Variants in KIAA1958 observed in about 807,000 individuals in gnomAD.
KIAA1958 encodes the protein KIAA1958.
Under a neutral mutation model 47.2 loss-of-function variants are expected in KIAA1958, and 14 were observed. The ratio of observed to expected loss-of-function variants is 0.30; its 90% confidence interval spans 0.20 to 0.46. The LOEUF is 0.46. KIAA1958 is among the 20% of genes least tolerant of loss of function. KIAA1958 has a pLI of 1.00. For synonymous variants in KIAA1958, 354 were observed against 353.3 expected, an observed-to-expected ratio of 1.00 and a Z score of -0.02; for missense variants, 803 against 909.2, an observed-to-expected ratio of 0.88 and a Z score of 1.50.
Position 112,549,021 on chromosome 9 carries a change from C to A in KIAA1958, c.-24-25036C>A, listed in dbSNP as rs188726208. ...AGCTTGGTCTCGGACCTTTAGCATT[C>A]AGAACTGTGAAAAAATAACTTCCTG... On this transcript the variant is annotated intron_variant, in intron 1 of 3. Coordinates refer to ENST00000337530, the MANE Select transcript of KIAA1958 (RefSeq NM_133465.4). Among the ~76,000 whole-genome samples, 7 of 152,286 alleles carry A rather than the reference C, an allele frequency of 4.6e-5. No homozygotes were observed. In the East Asian group the frequency reaches 1.3e-3, roughly 29 times the overall value.
chr9:112,666,375 A>C lies in KIAA1958; in HGVS notation c.*6306A>C, dbSNP rs2131260553. The C allele has an allele frequency of 1.3e-5, 2 of 152,324 alleles. No individual in the cohort carries two copies. The highest frequency in any genetic ancestry group is 3.4e-3 in the Middle Eastern group (1 of 294). The allele number at this position is 152,324 out of a possible 1,614,324, so 9.4% of individuals were successfully genotyped here. ...GTCAAATTCCCCCATTTTATCAATA[A>C]GGAAATTTAAGGCCAGAGATATTAA... On this transcript the variant is annotated 3_prime_UTR_variant, in exon 4 of 4. Coordinates refer to ENST00000337530, the MANE Select transcript of KIAA1958 (RefSeq NM_133465.4).
chr9:112,555,158 C>G (rs1835219433), intron 1 of KIAA1958, among the ~76,000 whole-genome samples: 1 of 152,152 alleles, frequency 6.6e-6, no homozygotes, highest in African/African-American at 2.4e-5. Context: ...TAGACTGTCC[C>G]CAAACTGGAG....
chr9:112,561,729 C>G (rs974702336), intron 1 of KIAA1958, among the ~76,000 whole-genome samples: 1 of 152,112 alleles, frequency 6.6e-6, no homozygotes, highest in Admixed American at 6.5e-5. Context: ...GTGGTGGGCA[C>G]CTGTAACCCC....
In KIAA1958 at chr9:112,660,021, G is replaced by A. The variant is rs552377099; in HGVS notation, c.2103G>A (p.Ser701=). 23 of 1,614,046 alleles carry A rather than the reference G, an allele frequency of 1.4e-5. No individual in the cohort carries two copies. The highest frequency in any genetic ancestry group is 1.1e-4 in the South Asian group (10 of 91,078). ...ACTGTGAGAACTTCACCTTTGTCTC[G>A]TTCACTCAGGTCTCCCGGAGGCTTG... The part of the protein sequence containing the change: ...LENCENFTFV[S]FTQVSRRLGS... The change falls in exon 4 of 4, where the codon TCG becomes TCA. Residue 701 remains serine (S), a synonymous_variant. Coordinates refer to ENST00000337530, the MANE Select transcript of KIAA1958 (RefSeq NM_133465.4).
intron 1 of KIAA1958, among the ~76,000 whole-genome samples, chr9:112,529,766 C>G (rs1834720975): frequency 6.6e-6 from 1 of 152,156 alleles, no homozygotes; most frequent in Non-Finnish European, 1.5e-5. Flanking sequence ...ACTCTTTTCC[C>G]TACCTAATTT....
chr9:112,619,116 C>A, intron 2 of KIAA1958: 1 of 384,542 alleles, frequency 2.6e-6, no homozygotes, highest in Non-Finnish European at 3.7e-6. Flanking sequence ...AGGCTTAAGA[C>A]AAATGTACTT....
chr9:112,505,611 ATAACT>A (rs1357715770), intron 1 of KIAA1958, among the ~76,000 whole-genome samples: 2 of 152,262 alleles, frequency 1.3e-5, no homozygotes, highest in African/African-American at 4.8e-5. Context: ...TTTAAAACTA[ATAACT>A]TTAATTAGCA....
chr9:112,546,355 C>G (rs1035776951), intron 1 of KIAA1958, among the ~76,000 whole-genome samples: 1 of 152,200 alleles, frequency 6.6e-6, no homozygotes, highest in Non-Finnish European at 1.5e-5. Context: ...TTCCCTGCCC[C>G]TTTCCTAGAA....
intron 1 of KIAA1958, among the ~76,000 whole-genome samples, chr9:112,568,792 G>T (rs1835474619): frequency 6.6e-6 from 1 of 151,296 alleles, no homozygotes; most frequent in Non-Finnish European, 1.5e-5. Context: ...GGAGGCTGAG[G>T]TGGGAGGGTT....
At chr9:112,554,372 C>T (rs980470291) in intron 1 of KIAA1958, among the ~76,000 whole-genome samples, 27 of 151,958 alleles carry the variant, frequency 1.8e-4, no homozygotes, top group Non-Finnish European at 3.5e-4. Context: ...GTGGTGTGCG[C>T]CTGTAATCCC....
chr9:112,653,833 G>A (rs754514377), intron 3 of KIAA1958, among the ~76,000 whole-genome samples: 3 of 152,128 alleles, frequency 2.0e-5, no homozygotes, highest in African/African-American at 7.2e-5. Flanking sequence ...CCGGGAGGTG[G>A]ATGCTGCAGT....
chr9:112,654,693 CA>C (rs35961310), intron 3 of KIAA1958, among the ~76,000 whole-genome samples: 45,355 of 111,718 alleles, frequency 0.41, 8,264 homozygotes, highest in East Asian at 0.58. Flanking sequence ...CATAAAAATC[CA>C]AAAAAAAAAA....
chr9:112,549,592 A>G (rs987144645), intron 1 of KIAA1958, among the ~76,000 whole-genome samples: 13 of 152,190 alleles, frequency 8.5e-5, no homozygotes, highest in Admixed American at 3.3e-4. Context: ...ATAAAACCAT[A>G]AGCCTTCTGC....
In KIAA1958 at chr9:112,573,671, A is replaced by C. The variant is rs147615901; in HGVS notation, c.-24-386A>C. Among the ~76,000 whole-genome samples the C allele has an allele frequency of 8.2e-4, 125 of 152,326 alleles. 1 individual carries two copies. The highest frequency in any genetic ancestry group is 2.9e-3 in the African/African-American group (122 of 41,574). ...CTCTTGGTTAATGCAAGTAATAGACACAATTTTATTATTGAGGGACCATCT... is the reference window on the plus strand; with the variant it reads ...CTCTTGGTTAATGCAAGTAATAGACCCAATTTTATTATTGAGGGACCATCT... On this transcript the variant is annotated intron_variant, in intron 1 of 3. Coordinates refer to ENST00000337530, the MANE Select transcript of KIAA1958 (RefSeq NM_133465.4).
In KIAA1958 at chr9:112,634,522, C is replaced by T. The variant is rs543604671; in HGVS notation, c.1172-11128C>T. Among the ~76,000 whole-genome samples, 14 of 152,270 alleles carry T rather than the reference C, an allele frequency of 9.2e-5. 1 individual carries two copies. The highest frequency in any genetic ancestry group is 2.1e-4 in the South Asian group (1 of 4,828). Reference sequence around the variant, plus strand: ...CTGGGATTACAGGCGTGAGCCACCGCGACTGGCCGTTTTGTCCATTTTTAA... The same window carrying T: ...CTGGGATTACAGGCGTGAGCCACCGTGACTGGCCGTTTTGTCCATTTTTAA... On this transcript the variant is annotated intron_variant, in intron 2 of 3. Transcript: ENST00000337530.
intron 2 of KIAA1958, among the ~76,000 whole-genome samples, chr9:112,603,333 T>C (rs563593711): frequency 6.6e-6 from 1 of 152,310 alleles, no homozygotes; most frequent in South Asian, 2.1e-4. Flanking sequence ...CATGTGGCTA[T>C]CCCATTGGTC....
intron 1 of KIAA1958, among the ~76,000 whole-genome samples, chr9:112,489,282 T>TATAAAC (rs759431259): frequency 1.8e-4 from 28 of 152,230 alleles, no homozygotes; most frequent in Non-Finnish European, 3.5e-4. Flanking sequence ...ATTGCTTGTT[T>TATAAAC]ATATATTTAC....
chr9:112,530,464 A>G (rs1834734199), intron 1 of KIAA1958, among the ~76,000 whole-genome samples: 1 of 152,176 alleles, frequency 6.6e-6, no homozygotes, highest in Non-Finnish European at 1.5e-5. Flanking sequence ...TTTCTACAGA[A>G]TTTGAAAATA....
At chr9:112,537,684 A>C (rs1261063746) in intron 1 of KIAA1958, among the ~76,000 whole-genome samples, 1 of 152,230 alleles carries the variant, frequency 6.6e-6, no homozygotes, top group Admixed American at 6.5e-5. Flanking sequence ...GTGCTCTTAC[A>C]TGCTGGTGGA....
Sources: gnomAD v4.1 joint callset for allele counts (sites outside exome capture counted in the v4.1 genomes callset) on GRCh38, gnomAD v4.1.1 for gene constraint, MANE v1.5 for transcripts, NCBI Gene and HGNC (gene_info 2026-07-23, HGNC 2026-07-21) for gene names.